The following PRDM2 variants were observed in gnomAD, a reference collection of about 807,000 sequenced individuals.
The protein encoded by PRDM2 is PR domain zinc finger protein 2.
In PRDM2, 30 loss-of-function variants were observed where a neutral mutation model predicts 130.0. The ratio of observed to expected loss-of-function variants is 0.23; its 90% CI spans 0.17 to 0.31. PRDM2 has a LOEUF of 0.31. Among genes scored for constraint, PRDM2 ranks in the 10% least tolerant of loss-of-function variants. The pLI is 1.00. For synonymous variants in PRDM2, 871 were observed against 782.4 expected (o/e 1.11, Z -1.89); for missense variants, 2,011 against 2,108.4 (o/e 0.95, Z 0.90).
At chr1:13,792,239 A>T (rs973221341) in intron 8 of PRDM2, among the ~76,000 whole-genome samples, 9 of 152,240 alleles carry the variant, frequency 5.9e-5, no homozygotes, top group African/African-American at 1.9e-4. Flanking sequence ...TTAAATCTAA[A>T]TGTACATTTA....
In PRDM2 at chr1:13,778,608, G is replaced by C; in HGVS notation, c.813G>C (p.Glu271Asp). ...TGAATGATTTGGGGGAAGAGGAGGA[G>C]GAGGAAGAGGAGGAGGATGAAGAAG... The part of the protein sequence containing the change: ...CEVNDLGEEE[E>D]EEEEEDEEEE... Residue 271 changes from glutamate to aspartate, a missense_variant, in exon 8 of 10, where the codon GAG (glutamate) becomes GAC (aspartate). Glu to Asp is a conservative substitution (Grantham distance 45). This residue lies in a region of PRDM2 where 1,288 missense variants were observed against 1,237.7 expected (regional missense o/e 1.04). Coordinates refer to ENST00000311066, the MANE Select transcript of PRDM2 (RefSeq NM_001393986.1). The C allele has an allele frequency of 6.2e-7, 1 of 1,613,494 alleles. No individual in the cohort carries two copies. The highest frequency in any genetic ancestry group is 1.1e-5 in the South Asian group (1 of 91,024).
intron 8 of PRDM2, among the ~76,000 whole-genome samples, chr1:13,791,090 C>T (rs1472634093): frequency 6.6e-6 from 1 of 151,772 alleles, no homozygotes; most frequent in Non-Finnish European, 1.5e-5. Flanking sequence ...CTACACTGTG[C>T]AGTCCATCGT....
chr1:13,745,614 G>A (rs913199207), intron 5 of PRDM2, among the ~76,000 whole-genome samples: 5 of 152,064 alleles, frequency 3.3e-5, no homozygotes, highest in South Asian at 2.1e-4. Context: ...TAGTAGAGAC[G>A]GGGTTTCACC....
At chr1:13,777,491 G>A (rs969200661) in intron 7 of PRDM2, among the ~76,000 whole-genome samples, 1 of 149,770 alleles carries the variant, frequency 6.7e-6, no homozygotes, top group African/African-American at 2.5e-5. Context: ...TGCATCTCTA[G>A]TCTTACCTCC....
At chr1:13,728,141 T>C (rs1469673674) in intron 2 of PRDM2, among the ~76,000 whole-genome samples, 1 of 152,200 alleles carries the variant, frequency 6.6e-6, no homozygotes, top group East Asian at 1.9e-4. Context: ...TATCCCTCCT[T>C]TTTAAAAAAA....
rs564406126 is a variant in PRDM2, at chr1:13,764,001, T to C, written c.512-9077T>C. 3.3e-5 allele frequency among the ~76,000 whole-genome samples: 5 copies of C among 152,372 alleles called. No homozygotes were observed. The South Asian group carries it at 6.2e-4, about 19-fold the overall frequency. ...TTTTGAGTGTTTTCATTGTATCTTG[T>C]TTCATATTTATGTCAAATTTTTACT... is the stretch of plus-strand genomic sequence containing the variant. On this transcript the variant is annotated intron_variant, in intron 6 of 9. Coordinates refer to ENST00000311066, the MANE Select transcript of PRDM2 (RefSeq NM_001393986.1).
chr1:13,749,498 C>CCCGG lies in PRDM2; in HGVS notation c.511+14_511+17dup, dbSNP rs1432164649. 3.7e-6 allele frequency: 5 copies of CCCGG among 1,352,408 alleles called. No individual in the cohort carries two copies. Among genetic ancestry groups the CCCGG allele is most frequent in the South Asian group, 1.3e-5 (1 of 76,478 alleles). 83.8% of individuals were successfully genotyped at this position (1,352,408 alleles called of 1,614,324 possible). A position where few individuals can be genotyped will look rare whatever the true frequency, so the allele number is the denominator to read the frequency against. ...CCAAGAGCCGGAAAGGTAGGAGCCC[C>CCCGG]CCGGCCCGCCCGCCCGGCCCCGGCG... On this transcript the variant is annotated intron_variant, in intron 6 of 9. Transcript: ENST00000311066.
At chr1:13,789,374 AT>A (rs1198169693) in intron 8 of PRDM2, among the ~76,000 whole-genome samples, 1 of 152,230 alleles carries the variant, frequency 6.6e-6, no homozygotes, top group Non-Finnish European at 1.5e-5. Flanking sequence ...TGAGTACTTA[AT>A]GTATGCCTGG....
At chr1:13,772,957 T>C in intron 6 of PRDM2, 121 bp from the exon 7 acceptor site, 1 of 599,778 alleles carries the variant, frequency 1.7e-6, no homozygotes, top group Non-Finnish European at 2.8e-6. Context: ...CCCAGGAATA[T>C]ACAGTGTTCT....
intron 4 of PRDM2, among the ~76,000 whole-genome samples, chr1:13,740,728 A>G (rs1182211141): frequency 6.6e-6 from 1 of 152,214 alleles, no homozygotes; most frequent in Admixed American, 6.5e-5. Context: ...TAAATGAGAT[A>G]ATATGTCAGG....
At chr1:13,723,002 C>G (rs11580827) in intron 2 of PRDM2, 17,762 of 369,854 alleles carry the variant, frequency 0.048, 515 homozygotes, top group Middle Eastern at 0.13. Flanking sequence ...TTGAGTCCAG[C>G]TCTTTGCCCT....
Position 13,783,125 on chromosome 1 carries a change from C to G in PRDM2, c.5036+294C>G. ...CTCAAAAGTACTCTAAGAAAAGATG[C>G]AATCCTCTCAAACTTCCTTTATGTC... On this transcript the variant is annotated intron_variant, in intron 8 of 9. Coordinates refer to ENST00000311066, the MANE Select transcript of PRDM2 (RefSeq NM_001393986.1). 1.0e-5 allele frequency: 6 copies of G among 594,782 alleles called. 1 individual carries two copies. Among genetic ancestry groups the G allele is most frequent in the Non-Finnish European group, 1.8e-5 (6 of 340,876 alleles). 36.8% of individuals were successfully genotyped at this position (594,782 alleles called of 1,614,324 possible). A position where few individuals can be genotyped will look rare whatever the true frequency, so the allele number is the denominator to read the frequency against.
chr1:13,787,989 G>A, intron 8 of PRDM2: 1 of 985,160 alleles, frequency 1.0e-6, no homozygotes, highest in Non-Finnish European at 1.2e-6. Context: ...AAAAAGATTT[G>A]TTGTGCTATT....
chr1:13,799,430 A>G (rs912402281), intron 8 of PRDM2, among the ~76,000 whole-genome samples: 2 of 148,214 alleles, frequency 1.3e-5, no homozygotes, highest in Admixed American at 6.9e-5. Context: ...GGGCAACAAG[A>G]GCGAAACTCC....
intron 7 of PRDM2, 52 bp downstream of exon 7, chr1:13,773,240 A>G (rs1644397198): frequency 1.9e-6 from 2 of 1,065,720 alleles, no homozygotes; most frequent in Non-Finnish European, 2.6e-6. Flanking sequence ...GTACCCAGTG[A>G]ATTTAACTTT....
intron 8 of PRDM2, chr1:13,786,399 T>C (rs1644740388): frequency 1.1e-5 from 16 of 1,396,184 alleles, no homozygotes; most frequent in Non-Finnish European, 1.6e-5. Flanking sequence ...CAGTCATGTA[T>C]GTGTTGTCGT....
chr1:13,721,663 C>CA (rs779518504), intron 2 of PRDM2, among the ~76,000 whole-genome samples: 40 of 150,914 alleles, frequency 2.7e-4, no homozygotes, highest in South Asian at 6.3e-4. Context: ...TTGTGAAATT[C>CA]AAAAAAAAAT....
At position 13,779,159 on chromosome 1, in the gene PRDM2, G is replaced by A; in HGVS notation, c.1364G>A (p.Cys455Tyr). Residue 455 changes from cysteine to tyrosine, a missense_variant, in exon 8 of 10, where the codon TGT becomes TAT. Cys to Tyr is a radical substitution (Grantham distance 194). Transcript: ENST00000311066. This position sits in a 1 kb window ranked among gnomAD's most constrained non-coding sequence, Gnocchi z 4.9. ...AGTCCTCCCAGTCTTGGGCCAGACT[G>A]TCTGATCATGAATTCAGAGAAGGCT... Reference protein sequence around the residue: ...DSSPPSLGPDCLIMNSEKASQ... With the variant: ...DSSPPSLGPDYLIMNSEKASQ... 6.2e-7 allele frequency: 1 copy of A among 1,614,216 alleles called. No individual in the cohort carries two copies. Among genetic ancestry groups the A allele is most frequent in the Non-Finnish European group, 8.5e-7 (1 of 1,180,030 alleles).
Position 13,823,373 on chromosome 1 carries a change from C to T in PRDM2, c.*238C>T, listed in dbSNP as rs775503220. ...ATCCCCGGGGCGGCAGGAAGGGGGC[C>T]GACTCCACGCTGTCCTTTGGGATGA... On this transcript the variant is annotated 3_prime_UTR_variant, in exon 10 of 10. Coordinates refer to ENST00000311066, the MANE Select transcript of PRDM2 (RefSeq NM_001393986.1). 121 of 644,468 alleles carry T rather than the reference C, an allele frequency of 1.9e-4. No homozygotes were observed. The highest frequency in any genetic ancestry group is 3.2e-4 in the Non-Finnish European group (113 of 355,036). The allele number at this position is 644,468 out of a possible 1,614,324, so 39.9% of individuals were successfully genotyped here. A position where few individuals can be genotyped will look rare whatever the true frequency, so the allele number is the denominator to read the frequency against.
Sources: allele counts gnomAD v4.1 joint callset (sites outside exome capture counted in the v4.1 genomes callset), GRCh38; gene constraint gnomAD v4.1.1; regional missense constraint gnomAD v4.1.1; non-coding constraint Gnocchi (gnomAD v3.1); transcripts MANE v1.5; gene names NCBI Gene and HGNC (gene_info 2026-07-23, HGNC 2026-07-21).